The following ABAT variants were observed in gnomAD, a reference collection of about 807,000 sequenced individuals.
ABAT encodes 4-aminobutyrate aminotransferase, also known as 4-aminobutyrate aminotransferase, mitochondrial.
In ABAT, 45 loss-of-function variants were observed where a neutral mutation model predicts 64.6. The observed-to-expected ratio is 0.70, with a 90% CI of 0.55 to 0.89. The LOEUF (loss-of-function observed/expected upper bound fraction) is 0.89. Among genes scored for constraint, ABAT ranks in the 40% least tolerant of loss-of-function variants. The pLI, the probability that ABAT is intolerant of heterozygous loss-of-function variation, is 0.00. For synonymous variants in ABAT, 297 were observed against 250.5 expected (o/e 1.19, Z -1.75); for missense variants, 633 against 658.4 (o/e 0.96, Z 0.42).
chr16:8,743,334 G>GTA (rs1281782883), intron 2 of ABAT, among the ~76,000 whole-genome samples: 5 of 148,172 alleles, frequency 3.4e-5, no homozygotes, highest in African/African-American at 5.0e-5. Flanking sequence ...GTGTGTGTGT[G>GTA]TGTGTGTGTG....
intron 8 of ABAT, 125 bp from the exon 9 acceptor site, chr16:8,766,083 A>C: frequency 1.2e-6 from 1 of 856,928 alleles, no homozygotes. Flanking sequence ...AACAATTAAT[A>C]CATGAGATCC....
chr16:8,709,654 G>A (rs962436631), intron 1 of ABAT, among the ~76,000 whole-genome samples: 4 of 151,938 alleles, frequency 2.6e-5, no homozygotes, highest in East Asian at 1.9e-4. Flanking sequence ...GATTACAGGC[G>A]TGAGCCACCA....
At chr16:8,701,255 A>G (rs2057815713) in intron 1 of ABAT, among the ~76,000 whole-genome samples, 1 of 152,230 alleles carries the variant, frequency 6.6e-6, no homozygotes, top group Admixed American at 6.5e-5. Context: ...CTTTAACAAC[A>G]GCAGTATGGA....
intron 1 of ABAT, among the ~76,000 whole-genome samples, chr16:8,680,724 G>A (rs865975645): frequency 2.4e-4 from 36 of 152,160 alleles, no homozygotes; most frequent in Admixed American, 2.2e-3. Context: ...CACTGCGCCC[G>A]ACCTCCATTT....
At chr16:8,772,214 TTA>T (rs1271532050) in intron 11 of ABAT, among the ~76,000 whole-genome samples, 2 of 146,354 alleles carry the variant, frequency 1.4e-5, no homozygotes, top group African/African-American at 2.6e-5. Flanking sequence ...AGCCACCACT[TTA>T]TGTGTGCCAG....
At chr16:8,748,227 TA>T (rs951231683) in intron 4 of ABAT, 90 bp downstream of exon 4, 95 of 1,279,252 alleles carry the variant, frequency 7.4e-5, no homozygotes, top group African/African-American at 2.8e-4. Context: ...GGCTCTTTTT[TA>T]AAAAAAATGT....
intron 1 of ABAT, among the ~76,000 whole-genome samples, chr16:8,732,555 C>T (rs2058761029): frequency 6.6e-6 from 1 of 151,686 alleles, no homozygotes; most frequent in South Asian, 2.1e-4. Flanking sequence ...CACAGATCAA[C>T]AGGATCCCAA....
At chr16:8,729,039 G>A (rs1180143764) in intron 1 of ABAT, among the ~76,000 whole-genome samples, 1 of 152,128 alleles carries the variant, frequency 6.6e-6, no homozygotes, top group Admixed American at 6.6e-5. Flanking sequence ...GGGCACGGTG[G>A]CTCACGCCTG....
intron 6 of ABAT, among the ~76,000 whole-genome samples, chr16:8,762,299 C>T (rs907230473): frequency 6.6e-6 from 1 of 152,220 alleles, no homozygotes; most frequent in Non-Finnish European, 1.5e-5. Context: ...CCAAGTAAGA[C>T]ACCTGCCATC....
Position 8,709,233 on chromosome 16 carries a change from T to C in ABAT, c.-41-26466T>C, listed in dbSNP as rs1370824968. ...CAGTGCTTTATTTTTTAATGTATTA[T>C]TTATCTTTTTTCAACTTTTGCCTTT... On this transcript the variant is annotated intron_variant, in intron 1 of 15. Transcript: ENST00000268251. Among the ~76,000 whole-genome samples the C allele has an allele frequency of 5.5e-5, 5 of 91,710 alleles. No homozygotes were observed. The South Asian group carries it at 1.9e-3, about 34-fold the overall frequency. The allele number at this position is 91,710 out of a possible 152,430, so 60.2% of individuals were successfully genotyped here.
rs138996363 is a variant in ABAT, at chr16:8,772,805, G to T, written c.842G>T (p.Arg281Leu). 6.2e-7 allele frequency: 1 copy of T among 1,614,092 alleles called. No homozygotes were observed. The highest frequency in any genetic ancestry group is 1.1e-5 in the South Asian group (1 of 91,070). Residue 281 changes from arginine (R) to leucine (L), a missense_variant, in exon 12 of 16, where the codon CGG becomes CTG. Physicochemically the swap from Arg to Leu is moderately radical, Grantham distance 102. Transcript: ENST00000268251. Reference sequence around the variant, plus strand: ...GTGGAGGATCTGATTGTGAAATATCGGAAAAAGAAGAAGACGGTGGCCGGG... The same window carrying T: ...GTGGAGGATCTGATTGTGAAATATCTGAAAAAGAAGAAGACGGTGGCCGGG... ...EEVEDLIVKY[R>L]KKKKTVAGII...
chr16:8,695,373 A>T (rs1017619841), intron 1 of ABAT, among the ~76,000 whole-genome samples: 8 of 152,190 alleles, frequency 5.3e-5, no homozygotes, highest in Non-Finnish European at 1.0e-4. Flanking sequence ...TTCCTGCAGG[A>T]TCCCAATGAT....
rs144213393 is a variant in ABAT, at chr16:8,687,766, G to C, written c.-42+13055G>C. Among the ~76,000 whole-genome samples, 57 of 152,334 alleles carry C rather than the reference G, an allele frequency of 3.7e-4. 1 individual carries two copies. The East Asian group carries it at 0.011, about 29-fold the overall frequency. On this transcript the variant is annotated intron_variant, in intron 1 of 15. Coordinates refer to ENST00000268251, the MANE Select transcript of ABAT (RefSeq NM_020686.6). ...AAAGCAGCTGTGCTGCTGGCTCCCT[G>C]AGTGCCCGGGAGCCAGTGATTTCTG...
At chr16:8,688,257 T>C (rs368946846) in intron 1 of ABAT, among the ~76,000 whole-genome samples, 202 of 152,254 alleles carry the variant, frequency 1.3e-3, no homozygotes, top group African/African-American at 4.7e-3. Flanking sequence ...CTATCTCATT[T>C]TTAACCTCTT....
At chr16:8,708,280 T>G (rs2057993263) in intron 1 of ABAT, among the ~76,000 whole-genome samples, 1 of 152,188 alleles carries the variant, frequency 6.6e-6, no homozygotes, top group African/African-American at 2.4e-5. Context: ...AGGATCTTGC[T>G]GTGTTGCCCA....
chr16:8,733,795 TGAGAGGGAGACCGTGGAAA>T (rs1225381014), intron 1 of ABAT, among the ~76,000 whole-genome samples: 2 of 147,886 alleles, frequency 1.4e-5, no homozygotes, highest in East Asian at 1.9e-4. Context: ...CGGCTCAGCA[TGAGAGGGAGACCGTGGAAA>T]GAGAGGGAGA....
chr16:8,752,489 T>A (rs1042151125), intron 5 of ABAT, among the ~76,000 whole-genome samples: 3 of 152,196 alleles, frequency 2.0e-5, no homozygotes. Context: ...TCGGGCACGG[T>A]GGAGCACGCT....
At position 8,781,233 on chromosome 16, in the gene ABAT, C is replaced by A; in HGVS notation, c.1382-76C>A. The A allele has an allele frequency of 6.2e-7, 1 of 1,605,772 alleles. No individual in the cohort carries two copies. On this transcript the variant is annotated intron_variant, in intron 15 of 15. Transcript: ENST00000268251. This position sits in a 1 kb window ranked among gnomAD's most constrained non-coding sequence, Gnocchi z 4.5. Reference sequence around the variant, plus strand: ...TGGATGGATGAGCGTTGCCAACAGGCATCACTTTCCCCCCAGCTCTCCCAG... The same window carrying A: ...TGGATGGATGAGCGTTGCCAACAGGAATCACTTTCCCCCCAGCTCTCCCAG...
At chr16:8,751,604 T>TC (rs1457482792) in intron 5 of ABAT, among the ~76,000 whole-genome samples, 1 of 152,154 alleles carries the variant, frequency 6.6e-6, no homozygotes, top group Non-Finnish European at 1.5e-5. Context: ...TTATGACCCT[T>TC]CACCAGCCAG....
Sources: allele counts gnomAD v4.1 joint callset (sites outside exome capture counted in the v4.1 genomes callset), GRCh38; gene constraint gnomAD v4.1.1; non-coding constraint Gnocchi (gnomAD v3.1); transcripts MANE v1.5; gene names NCBI Gene and HGNC (gene_info 2026-07-23, HGNC 2026-07-21).